HERC6: variants seen among roughly 807,000 people sequenced by gnomAD.
HERC6 encodes HECT and RLD domain containing E3 ubiquitin protein ligase family member 6, also known as probable E3 ubiquitin-protein ligase HERC6.
Under a neutral mutation model 114.5 loss-of-function variants are expected in HERC6, and 101 were observed. The observed-to-expected ratio is 0.88, with a 90% CI of 0.75 to 1.04. HERC6 has a LOEUF of 1.04. Among genes scored for constraint, HERC6 ranks in the 50% least tolerant of loss-of-function variants. HERC6 has a pLI of 0.00. For missense variants in HERC6, 1,133 were observed against 1,230.9 expected, an observed-to-expected ratio of 0.92 and a Z score of 1.19; for synonymous variants, 408 against 436.2, an observed-to-expected ratio of 0.94 and a Z score of 0.81.
intron 15 of HERC6, among the ~76,000 whole-genome samples, chr4:88,425,399 A>G (rs1201866305): frequency 6.6e-6 from 1 of 152,116 alleles, no homozygotes; most frequent in Non-Finnish European, 1.5e-5. Flanking sequence ...CTTTCTTTAT[A>G]TAATATGTAT....
chr4:88,431,045 A>G (rs1477345999), intron 16 of HERC6, 117 bp from the exon 17 acceptor site: 1 of 854,682 alleles, frequency 1.2e-6, no homozygotes, highest in Non-Finnish European at 1.8e-6. Context: ...GGTAAGGGCT[A>G]TGTGATTCTA....
intron 22 of HERC6, 131 bp downstream of exon 22, chr4:88,440,381 T>C: frequency 1.6e-6 from 1 of 628,120 alleles, no homozygotes; most frequent in Non-Finnish European, 2.8e-6. Context: ...CTCACAGCCA[T>C]GGAGATCAAG....
rs370444635 is a variant in HERC6, at chr4:88,428,567, T to C, written c.1936-13T>C. ...TCAAAAGGAGAAGCCAACTAAAAAA[T>C]TTATTTTTCCAGATGTCAGAAAAGA... On this transcript the variant is annotated splice_polypyrimidine_tract_variant and intron_variant, in intron 15 of 22. Coordinates refer to ENST00000264346, the MANE Select transcript of HERC6 (RefSeq NM_017912.4). The C allele has an allele frequency of 5.8e-5, 91 of 1,564,638 alleles. No individual in the cohort carries two copies. The highest frequency in any genetic ancestry group is 7.6e-5 in the Non-Finnish European group (88 of 1,161,802).
At chr4:88,387,150 A>T (rs1734626442) in intron 3 of HERC6, among the ~76,000 whole-genome samples, 1 of 152,148 alleles carries the variant, frequency 6.6e-6, no homozygotes, top group Non-Finnish European at 1.5e-5. Context: ...TATTTCCAGC[A>T]CTTAGGGAGG....
In HERC6 at chr4:88,417,549, T is replaced by C. The variant is rs1232771369; in HGVS notation, c.1683T>C (p.Ala561=). The C allele has an allele frequency of 6.2e-7, 1 of 1,613,114 alleles. No homozygotes were observed. The highest frequency in any genetic ancestry group is 1.7e-5 in the Admixed American group (1 of 59,904). The change falls in exon 13 of 23, where the codon GCT becomes GCC. Residue 561 remains alanine (A), a synonymous_variant. Coordinates refer to ENST00000264346, the MANE Select transcript of HERC6 (RefSeq NM_017912.4). ...KTEQDHCNVK[A]LLGMMKELHK... The stretch of plus-strand genomic sequence containing the variant: ...AACAGGATCACTGTAATGTTAAAGC[T>C]CTTTTAGGAATGATGAAAGAACTGC...
At position 88,442,849 on chromosome 4, in the gene HERC6, T is replaced by C. The variant is rs944673152; in HGVS notation, c.*389T>C. 3 of 222,626 alleles carry C rather than the reference T, an allele frequency of 1.3e-5. No individual in the cohort carries two copies. The highest frequency in any genetic ancestry group is 4.5e-5 in the African/African-American group (2 of 44,936). The allele number at this position is 222,626 out of a possible 1,614,324, so 13.8% of individuals were successfully genotyped here. On this transcript the variant is annotated 3_prime_UTR_variant, in exon 23 of 23. Transcript: ENST00000264346. ...CCAGGACATTCATTTGCATAAGGAGTCAAACCACACCAGTCTTGGATTGGC... is the reference window on the plus strand; with the variant it reads ...CCAGGACATTCATTTGCATAAGGAGCCAAACCACACCAGTCTTGGATTGGC...
intron 11 of HERC6, among the ~76,000 whole-genome samples, chr4:88,410,885 C>T (rs970057145): frequency 2.6e-5 from 4 of 152,148 alleles, no homozygotes; most frequent in African/African-American, 9.7e-5. Context: ...TGCAATTTCT[C>T]ATCCACATGC....
At chr4:88,424,757 A>G in intron 15 of HERC6, 55 bp downstream of exon 15, 1 of 1,028,924 alleles carries the variant, frequency 9.7e-7, no homozygotes, top group Non-Finnish European at 1.5e-6. Flanking sequence ...TAAAATAGAG[A>G]TAGTGGTATA....
At chr4:88,433,254 A>G (rs1419613391) in intron 17 of HERC6, among the ~76,000 whole-genome samples, 1 of 152,168 alleles carries the variant, frequency 6.6e-6, no homozygotes, top group Non-Finnish European at 1.5e-5. Context: ...TTGTGGCATC[A>G]TGTTGGCACT....
intron 2 of HERC6, among the ~76,000 whole-genome samples, chr4:88,384,894 A>G (rs1483727408): frequency 1.7e-4 from 26 of 152,116 alleles, no homozygotes; most frequent in Non-Finnish European, 1.5e-5. Flanking sequence ...GTTGTGGTGC[A>G]TGCCTGTAAT....
intron 15 of HERC6, among the ~76,000 whole-genome samples, chr4:88,428,267 T>A (rs1317536994): frequency 2.0e-5 from 3 of 152,212 alleles, no homozygotes; most frequent in African/African-American, 4.8e-5. Flanking sequence ...TGAATACCAG[T>A]ATGGCCTTTA....
rs138049905 is a variant in HERC6 at position 88,438,011 on chromosome 4, T to A, written c.2555+230T>A. ...AGCCAGGTGTGGTGGCACATGCCTG[T>A]AGTCTCAGCTACTAAGGAGGCTGAG... is the stretch of plus-strand genomic sequence containing the variant. On this transcript the variant is annotated intron_variant, in intron 20 of 22. Coordinates refer to ENST00000264346, the MANE Select transcript of HERC6 (RefSeq NM_017912.4). Among the ~76,000 whole-genome samples the A allele has an allele frequency of 7.3e-3, 1,105 of 151,314 alleles. 11 individuals are homozygous for A. Among genetic ancestry groups the A allele is most frequent in the African/African-American group, 0.025 (1,023 of 41,214 alleles).
At chr4:88,379,865 A>AAT (rs1321733832) in intron 1 of HERC6, among the ~76,000 whole-genome samples, 1 of 61,352 alleles carries the variant, frequency 1.6e-5, no homozygotes, top group African/African-American at 7.0e-5. Context: ...ATAGCATATA[A>AAT]ATATATATAA....
chr4:88,385,419 G>T (rs995685190), intron 2 of HERC6, 80 bp from the exon 3 acceptor site: 17 of 690,958 alleles, frequency 2.5e-5, no homozygotes, highest in African/African-American at 3.8e-5. Context: ...TATTATTTGA[G>T]ATACTTTTAA....
chr4:88,403,511 T>C (rs1735651901), intron 8 of HERC6, among the ~76,000 whole-genome samples: 1 of 152,116 alleles, frequency 6.6e-6, no homozygotes, highest in Non-Finnish European at 1.5e-5. Flanking sequence ...TCCCAGGACT[T>C]TGGGAGGCCG....
At chr4:88,408,450 C>A in intron 10 of HERC6, 74 bp from the exon 11 acceptor site, 2 of 915,908 alleles carry the variant, frequency 2.2e-6, no homozygotes, top group Non-Finnish European at 3.5e-6. Context: ...AATAAAGCAA[C>A]AAATGACATA....
intron 8 of HERC6, chr4:88,399,154 A>G (rs558480089): frequency 6.6e-6 from 1 of 152,334 alleles, no homozygotes; most frequent in East Asian, 1.9e-4. Flanking sequence ...TGATGTTTAA[A>G]CTTGATGTTT....
At chr4:88,425,555 G>C (rs1022952103) in intron 15 of HERC6, among the ~76,000 whole-genome samples, 25 of 152,078 alleles carry the variant, frequency 1.6e-4, no homozygotes, top group African/African-American at 5.5e-4. Context: ...TAAGCTTCTT[G>C]GAGCTTGATT....
chr4:88,431,341 G>T, intron 17 of HERC6, 36 bp downstream of exon 17: 1 of 1,569,882 alleles, frequency 6.4e-7, no homozygotes. Flanking sequence ...CCCCAGAACA[G>T]AAAAGGCACC....
Sources: allele counts gnomAD v4.1 joint callset (sites outside exome capture counted in the v4.1 genomes callset), GRCh38; gene constraint gnomAD v4.1.1; transcripts MANE v1.5; gene names NCBI Gene and HGNC (gene_info 2026-07-23, HGNC 2026-07-21).